Variants in SYCP1 observed in about 807,000 individuals in gnomAD.
SYCP1 encodes synaptonemal complex protein 1.
A neutral mutation model predicts 153.1 loss-of-function variants in SYCP1; 64 were observed. That is an observed-to-expected ratio of 0.42 (90% CI 0.34 to 0.51). The LOEUF is 0.51. Among genes scored for constraint, SYCP1 ranks in the 20% least tolerant of loss-of-function variants. SYCP1 has a pLI of 0.06. For synonymous variants in SYCP1, 384 were observed against 341.8 expected, an observed-to-expected ratio of 1.12 and a Z score of -1.36; for missense variants, 997 against 1,049.0, an observed-to-expected ratio of 0.95 and a Z score of 0.68.
chr1:114,873,303 A>C (rs1186476284), intron 8 of SYCP1, among the ~76,000 whole-genome samples: 4 of 152,118 alleles, frequency 2.6e-5, no homozygotes, highest in Non-Finnish European at 5.9e-5. Context: ...TATTCTATAG[A>C]CCTATGGTTA....
At chr1:114,875,888 C>G (rs2274118) in intron 9 of SYCP1, among the ~76,000 whole-genome samples, 181 bp from the exon 10 acceptor site, 31,185 of 152,112 alleles carry the variant, frequency 0.21, 4,110 homozygotes, top group East Asian at 0.35. Flanking sequence ...ATCTGGGAAA[C>G]TAACATAAGG....
intron 23 of SYCP1, among the ~76,000 whole-genome samples, 188 bp from the exon 24 acceptor site, chr1:114,944,151 A>G (rs1670546330): frequency 6.6e-6 from 1 of 151,842 alleles, no homozygotes; most frequent in African/African-American, 2.4e-5. Context: ...TACATATTTT[A>G]GGGGAGAAGA....
At chr1:114,979,238 T>C (rs951065839) in intron 28 of SYCP1, among the ~76,000 whole-genome samples, 1 of 151,608 alleles carries the variant, frequency 6.6e-6, no homozygotes, top group African/African-American at 2.4e-5. Flanking sequence ...AACTTCTTCG[T>C]GTTTCAATTT....
At chr1:114,904,196 A>C (rs901571619) in intron 16 of SYCP1, among the ~76,000 whole-genome samples, 2 of 150,630 alleles carry the variant, frequency 1.3e-5, no homozygotes, top group South Asian at 2.1e-4. Flanking sequence ...GGCTCACTGC[A>C]AGCTCCACCT....
chr1:114,909,079 T>G (rs1366822524), intron 16 of SYCP1, among the ~76,000 whole-genome samples: 1 of 152,218 alleles, frequency 6.6e-6, no homozygotes, highest in African/African-American at 2.4e-5. Flanking sequence ...TTTGGTGTAC[T>G]ACTTTTGACT....
At chr1:114,943,361 T>C (rs1397579119) in intron 23 of SYCP1, among the ~76,000 whole-genome samples, 4 of 151,822 alleles carry the variant, frequency 2.6e-5, no homozygotes, top group Admixed American at 6.6e-5. Context: ...CCCTGAACAA[T>C]TGATTACATA....
intron 16 of SYCP1, among the ~76,000 whole-genome samples, chr1:114,902,485 A>T (rs1270584196): frequency 7.0e-6 from 1 of 142,528 alleles, no homozygotes; most frequent in Non-Finnish European, 1.5e-5. Context: ...GCAAAGAGAG[A>T]GTCCTGCTAG....
chr1:114,937,031 T>C (rs1294570997), intron 23 of SYCP1, among the ~76,000 whole-genome samples: 1 of 152,134 alleles, frequency 6.6e-6, no homozygotes, highest in Admixed American at 6.5e-5. Flanking sequence ...CTTCACAGAA[T>C]TGGAAAAAAC....
intron 18 of SYCP1, among the ~76,000 whole-genome samples, chr1:114,912,230 C>T (rs949138803): frequency 3.9e-5 from 6 of 151,928 alleles, no homozygotes; most frequent in Non-Finnish European, 7.4e-5. Context: ...AGGTTAAACT[C>T]ATCTATTAAC....
chr1:114,967,984 T>G (rs1190407209), intron 27 of SYCP1, among the ~76,000 whole-genome samples: 1 of 152,200 alleles, frequency 6.6e-6, no homozygotes, highest in African/African-American at 2.4e-5. Flanking sequence ...ATTCTTTTCT[T>G]TAAGAATGTT....
Position 114,984,834 on chromosome 1 carries a change from T to G in SYCP1, c.2669T>G (p.Ile890Ser), listed in dbSNP as rs1673393273. ...KKRKMAFEFDINSDSSETTDL... is the reference protein window; with the variant it reads ...KKRKMAFEFDSNSDSSETTDL... ...AGAAAAATGGCCTTTGAATTTGATA[T>G]TAATTCAGATAGTTCAGAAACTACT... Residue 890 changes from isoleucine (I) to serine (S), a missense_variant, in exon 30 of 32, where the codon ATT becomes AGT. Physicochemically the swap from Ile to Ser is moderately radical, Grantham distance 142 (BLOSUM62 -2). Coordinates refer to ENST00000369522, the MANE Select transcript of SYCP1 (RefSeq NM_003176.4). 1.4e-6 allele frequency: 2 copies of G among 1,471,742 alleles called. No homozygotes were observed. Among genetic ancestry groups the G allele is most frequent in the African/African-American group, 2.9e-5 (2 of 69,118 alleles). 91.2% of individuals were successfully genotyped at this position (1,471,742 alleles called of 1,614,324 possible).
At chr1:114,955,931 G>A (rs1016172422) in intron 27 of SYCP1, among the ~76,000 whole-genome samples, 4 of 152,134 alleles carry the variant, frequency 2.6e-5, no homozygotes, top group African/African-American at 9.7e-5. Context: ...AAGAGTCCGG[G>A]GGAATCACAC....
At chr1:114,877,947 G>A in intron 11 of SYCP1, 147 bp from the exon 12 acceptor site, 2 of 509,108 alleles carry the variant, frequency 3.9e-6, no homozygotes, top group Admixed American at 3.5e-5. Flanking sequence ...TACATTGGCT[G>A]CCAGGGAGTA....
intron 27 of SYCP1, among the ~76,000 whole-genome samples, chr1:114,961,109 A>G (rs145623831): frequency 0.047 from 7,158 of 152,106 alleles, 207 homozygotes; most frequent in African/African-American, 0.061. Context: ...GAATTTATCC[A>G]TCTCTTCTAG....
intron 29 of SYCP1, 59 bp downstream of exon 29, chr1:114,981,571 G>C: frequency 7.0e-7 from 1 of 1,436,706 alleles, no homozygotes. Flanking sequence ...ATAAAGTTCT[G>C]TTATCACCAT....
intron 6 of SYCP1, among the ~76,000 whole-genome samples, chr1:114,859,365 G>A (rs190822899): frequency 1.3e-5 from 2 of 152,314 alleles, no homozygotes; most frequent in Admixed American, 1.3e-4. Context: ...GGGATTACAG[G>A]CGTGAGCCAC....
intron 27 of SYCP1, among the ~76,000 whole-genome samples, chr1:114,974,130 AAG>A (rs751869427): frequency 8.6e-5 from 13 of 151,824 alleles, no homozygotes; most frequent in Non-Finnish European, 1.6e-4. Context: ...TCTGTAATCC[AAG>A]AGTCTTTTTT....
intron 12 of SYCP1, among the ~76,000 whole-genome samples, chr1:114,883,466 G>A (rs1666087589): frequency 6.6e-6 from 1 of 152,072 alleles, no homozygotes; most frequent in African/African-American, 2.4e-5. Flanking sequence ...TTTATTTGTG[G>A]AAATTCTTTA....
chr1:114,873,674 A>G (rs1288005979), intron 8 of SYCP1, among the ~76,000 whole-genome samples: 1 of 152,180 alleles, frequency 6.6e-6, no homozygotes, highest in Non-Finnish European at 1.5e-5. Context: ...TCCTATGTTC[A>G]TTGTGAGAAA....
Sources: allele counts gnomAD v4.1 joint callset (sites outside exome capture counted in the v4.1 genomes callset), GRCh38; gene constraint gnomAD v4.1.1; transcripts MANE v1.5; gene names NCBI Gene and HGNC (gene_info 2026-07-23, HGNC 2026-07-21).